ZNF680: variants seen among roughly 807,000 people sequenced by gnomAD.
ZNF680 encodes the protein hypothetical protein FLJ90430.
In ZNF680, 6 loss-of-function variants were observed where a neutral mutation model predicts 12.1. The ratio of observed to expected loss-of-function variants is 0.49; its 90% CI spans 0.27 to 0.98. ZNF680 has a LOEUF of 0.98. Among genes scored for constraint, ZNF680 ranks in the 50% least tolerant of loss-of-function variants. The pLI is 0.12. For synonymous variants in ZNF680, 170 were observed against 199.3 expected (o/e 0.85, Z 1.24); for missense variants, 561 against 616.3 (o/e 0.91, Z 0.95).
chr7:64,533,740 G>A (rs1418766668), intron 3 of ZNF680, among the ~76,000 whole-genome samples: 1 of 152,082 alleles, frequency 6.6e-6, no homozygotes, highest in Non-Finnish European at 1.5e-5. Flanking sequence ...TAAATCTGGA[G>A]GCATCAGACT....
the ZNF680 span, chr7:64,501,711 T>C: frequency 5.4e-5 from 56 of 1,035,382 alleles, no homozygotes; most frequent in Non-Finnish European, 8.1e-5. Flanking sequence ...ACAGCGCCAA[T>C]GGCAAAAATG....
At chr7:64,508,849 T>C in the ZNF680 span, among the ~76,000 whole-genome samples, 1 of 152,196 alleles carries the variant, frequency 6.6e-6, no homozygotes, top group South Asian at 2.1e-4. Context: ...CCTAAAGATA[T>C]AATCTTGTTG....
At position 64,520,529 on chromosome 7, in the gene ZNF680, GATTAA is replaced by G. The variant is rs1206207671; in HGVS notation, c.*627_*631del. On this transcript the variant is annotated 3_prime_UTR_variant, in exon 4 of 4. Transcript: ENST00000309683. ...TAATATTTACATAGACTCAATTTTG[GATTAA>G]ATATTTTTCATACTTACTGCATCTG... is the stretch of plus-strand genomic sequence containing the variant. 2.6e-5 allele frequency: 4 copies of G among 151,370 alleles called. No individual in the cohort carries two copies. The highest frequency in any genetic ancestry group is 9.7e-5 in the African/African-American group (4 of 41,268). The allele number at this position is 151,370 out of a possible 1,614,324, so 9.4% of individuals were successfully genotyped here.
At chr7:64,539,130 C>CAAAAAAAAAA (rs529165573) in intron 3 of ZNF680, among the ~76,000 whole-genome samples, 2 of 77,702 alleles carry the variant, frequency 2.6e-5, no homozygotes, top group African/African-American at 5.3e-5. Flanking sequence ...GACTCCATCT[C>CAAAAAAAAAA]AAAAAAAAAA....
At chr7:64,507,384 A>G in the ZNF680 span, among the ~76,000 whole-genome samples, 1 of 150,356 alleles carries the variant, frequency 6.7e-6, no homozygotes, top group Admixed American at 6.6e-5. Context: ...GGACTATAGT[A>G]AACAATAATA....
At chr7:64,529,473 C>G (rs1785750540) in intron 3 of ZNF680, among the ~76,000 whole-genome samples, 2 of 152,038 alleles carry the variant, frequency 1.3e-5, no homozygotes, top group Admixed American at 1.3e-4. Flanking sequence ...AAAAAACAAT[C>G]AAAACTTCAG....
intron 3 of ZNF680, among the ~76,000 whole-genome samples, chr7:64,535,179 G>A (rs945977632): frequency 6.6e-6 from 1 of 152,034 alleles, no homozygotes; most frequent in African/African-American, 2.4e-5. Context: ...TTTGAGACCA[G>A]TCTGGACAAC....
chr7:64,507,120 G>C, the ZNF680 span, among the ~76,000 whole-genome samples: 1 of 152,086 alleles, frequency 6.6e-6, no homozygotes, highest in Non-Finnish European at 1.5e-5. Flanking sequence ...CGTCAAGAAA[G>C]GGTAAATCCC....
At chr7:64,515,080 A>C (rs1051274772), downstream of ZNF680, among the ~76,000 whole-genome samples, 5 of 151,770 alleles carry the variant, frequency 3.3e-5, no homozygotes, top group African/African-American at 1.2e-4. Context: ...ACACAGACAC[A>C]CCCACACACA....
chr7:64,516,367 A>C (rs1791355329), downstream of ZNF680, among the ~76,000 whole-genome samples: 2 of 152,358 alleles, frequency 1.3e-5, no homozygotes, highest in South Asian at 4.1e-4. Context: ...CCTTTAAAGG[A>C]AGCAAATAGC....
intron 1 of ZNF680, among the ~76,000 whole-genome samples, chr7:64,559,125 T>C (rs1289372774): frequency 1.3e-5 from 2 of 152,198 alleles, no homozygotes; most frequent in Admixed American, 6.5e-5. Flanking sequence ...CTACATTTTA[T>C]ACAAGATAAA....
At chr7:64,513,650 ATTT>A in the ZNF680 span, among the ~76,000 whole-genome samples, 3 of 148,434 alleles carry the variant, frequency 2.0e-5, no homozygotes, top group Non-Finnish European at 4.5e-5. Flanking sequence ...TTAATTAAAA[ATTT>A]TTTTTTTTTT....
rs556685195 is a variant in ZNF680, at chr7:64,548,446, T to G, written c.31-4014A>C. Among the ~76,000 whole-genome samples the G allele has an allele frequency of 1.1e-4, 17 of 152,326 alleles. 2 individuals carry two copies. The South Asian group carries it at 3.5e-3, about 32-fold the overall frequency. Reference sequence around the variant, plus strand: ...ATTTATCCAGTTACTAGTCTAGACTTAAAGATCCTGCATGGTAGGAACCCT... The same window carrying G: ...ATTTATCCAGTTACTAGTCTAGACTGAAAGATCCTGCATGGTAGGAACCCT... On this transcript the variant is annotated intron_variant, in intron 1 of 3. Coordinates refer to ENST00000309683, the MANE Select transcript of ZNF680 (RefSeq NM_178558.5).
chr7:64,552,565 G>A (rs1299813255), intron 1 of ZNF680, among the ~76,000 whole-genome samples: 1 of 152,098 alleles, frequency 6.6e-6, no homozygotes, highest in Non-Finnish European at 1.5e-5. Flanking sequence ...ACCAGATAAG[G>A]TAATAAGTAT....
chr7:64,511,806 C>T, the ZNF680 span, among the ~76,000 whole-genome samples: 1 of 152,146 alleles, frequency 6.6e-6, no homozygotes, highest in Non-Finnish European at 1.5e-5. Flanking sequence ...TGCCTGTAAT[C>T]CCAGCACTTT....
intron 3 of ZNF680, among the ~76,000 whole-genome samples, chr7:64,536,962 C>T (rs1020626912): frequency 2.0e-5 from 3 of 151,930 alleles, no homozygotes; most frequent in African/African-American, 7.3e-5. Context: ...TTCAGCTACA[C>T]GGGGAGCTGA....
At chr7:64,500,106 C>G in the ZNF680 span, among the ~76,000 whole-genome samples, 3 of 152,120 alleles carry the variant, frequency 2.0e-5, no homozygotes, top group Middle Eastern at 3.2e-3. Context: ...CCAGCTGCCC[C>G]CCTAGGTTTA....
At chr7:64,503,378 CTTTTTTTTTTTT>C in the ZNF680 span, among the ~76,000 whole-genome samples, 1 of 89,886 alleles carries the variant, frequency 1.1e-5, no homozygotes, top group Admixed American at 1.4e-4. Context: ...AACTGGAAGG[CTTTTTTTTTTTT>C]TTTTTTTTTT....
chr7:64,530,530 A>C (rs1414968942), intron 3 of ZNF680, among the ~76,000 whole-genome samples: 7 of 152,194 alleles, frequency 4.6e-5, no homozygotes, highest in Non-Finnish European at 7.3e-5. Context: ...ATCAGACAAA[A>C]CAAACTTTAA....
Sources: allele counts gnomAD v4.1 joint callset (sites outside exome capture counted in the v4.1 genomes callset), GRCh38; gene constraint gnomAD v4.1.1; transcripts MANE v1.5; gene names NCBI Gene and HGNC (gene_info 2026-07-23, HGNC 2026-07-21).